The following FAM163A variants were observed in gnomAD, a reference collection of about 807,000 sequenced individuals.
FAM163A encodes the protein protein FAM163A.
In FAM163A, 7 loss-of-function variants were observed where a neutral mutation model predicts 12.0. That is an observed-to-expected ratio of 0.58 (90% CI 0.33 to 1.10). The LOEUF is 1.10. FAM163A is among the 50% of genes least tolerant of loss of function. The pLI is 0.03. For missense variants in FAM163A, 202 were observed against 218.6 expected, an observed-to-expected ratio of 0.92 and a Z score of 0.48; for synonymous variants, 101 against 91.0, an observed-to-expected ratio of 1.11 and a Z score of -0.62.
chr1:179,761,985 C>T (rs527876813), intron 1 of FAM163A, among the ~76,000 whole-genome samples: 1 of 152,230 alleles, frequency 6.6e-6, no homozygotes, highest in African/African-American at 2.4e-5. Flanking sequence ...GTTTTAACAT[C>T]GTTTCTGCAC....
rs141919647 is a variant in FAM163A, at chr1:179,755,763, C to A, written c.-136+12340C>A. ...AGGCCACTGAGAACTGCTTGAGGAC[C>A]ACATACAACCTTACAGATGAGTGCC... On this transcript the variant is annotated intron_variant, in intron 1 of 4. Coordinates refer to ENST00000341785, the MANE Select transcript of FAM163A (RefSeq NM_173509.3). Among the ~76,000 whole-genome samples the A allele has an allele frequency of 1.6e-3, 238 of 152,244 alleles. 2 individuals are homozygous for A. Among genetic ancestry groups the A allele is most frequent in the African/African-American group, 5.5e-3 (228 of 41,546 alleles).
chr1:179,755,319 T>TGACCA (rs1234936862), intron 1 of FAM163A, among the ~76,000 whole-genome samples: 1 of 152,068 alleles, frequency 6.6e-6, no homozygotes, highest in Non-Finnish European at 1.5e-5. Context: ...AGGTGAGGGT[T>TGACCA]GACCAGAAAC....
intron 1 of FAM163A, among the ~76,000 whole-genome samples, chr1:179,765,127 C>T (rs1185333308): frequency 1.3e-5 from 2 of 152,196 alleles, no homozygotes; most frequent in Admixed American, 6.5e-5. Context: ...CTTTCTTCCT[C>T]GCCCCATGGC....
chr1:179,744,086 G>A (rs1443611728), intron 1 of FAM163A, among the ~76,000 whole-genome samples: 1 of 152,134 alleles, frequency 6.6e-6, no homozygotes, highest in Non-Finnish European at 1.5e-5. Context: ...TAAAGAGGGC[G>A]AAGTGCCTTC....
chr1:179,791,265 G>A (rs1691458951), intron 1 of FAM163A, among the ~76,000 whole-genome samples: 2 of 152,196 alleles, frequency 1.3e-5, no homozygotes. Flanking sequence ...AGGCCCCTAT[G>A]CTGGCCCTCC....
upstream of FAM163A, among the ~76,000 whole-genome samples, chr1:179,739,489 A>G (rs947668505): frequency 3.3e-5 from 5 of 152,094 alleles, no homozygotes; most frequent in Non-Finnish European, 7.3e-5. Flanking sequence ...ATGCGGCCCA[A>G]CACAAATTTT....
At chr1:179,802,401 C>A (rs1693303120) in intron 1 of FAM163A, among the ~76,000 whole-genome samples, 1 of 152,176 alleles carries the variant, frequency 6.6e-6, no homozygotes, top group Non-Finnish European at 1.5e-5. Context: ...AGTGCCACAT[C>A]TGGTCCTCTG....
In FAM163A at chr1:179,814,339, G is replaced by A; in HGVS notation, c.*150G>A. The A allele has an allele frequency of 2.8e-6, 3 of 1,077,246 alleles. No homozygotes were observed. The highest frequency in any genetic ancestry group is 3.9e-6 in the Non-Finnish European group (3 of 777,062). 66.7% of individuals were successfully genotyped at this position (1,077,246 alleles called of 1,614,324 possible). On this transcript the variant is annotated 3_prime_UTR_variant, in exon 5 of 5. Transcript: ENST00000341785. ...CAGTGGAGGGTTTACTAGGATTTAAGCTTTTGAGTGCATTGAGAACCAAGA... is the reference window on the plus strand; with the variant it reads ...CAGTGGAGGGTTTACTAGGATTTAAACTTTTGAGTGCATTGAGAACCAAGA...
chr1:179,731,633 C>T, the FAM163A span, among the ~76,000 whole-genome samples: 1 of 152,130 alleles, frequency 6.6e-6, no homozygotes, highest in Non-Finnish European at 1.5e-5. Flanking sequence ...AAATAATGCT[C>T]GGGACTGAGG....
At chr1:179,756,774 C>G (rs1010629569) in intron 1 of FAM163A, among the ~76,000 whole-genome samples, 1 of 151,982 alleles carries the variant, frequency 6.6e-6, no homozygotes, top group Non-Finnish European at 1.5e-5. Context: ...AGGGAGGGAA[C>G]AGGAAGTAAG....
chr1:179,787,685 G>A (rs538272700), intron 1 of FAM163A, among the ~76,000 whole-genome samples: 210 of 152,296 alleles, frequency 1.4e-3, no homozygotes, highest in Non-Finnish European at 2.0e-3. Flanking sequence ...AGCAGGGGCG[G>A]GACCTGACTC....
rs528930594 is a variant in FAM163A, at chr1:179,779,008, A to G, written c.-135-28790A>G. On this transcript the variant is annotated intron_variant, in intron 1 of 4. Transcript: ENST00000341785. Reference sequence around the variant, plus strand: ...TAGATGTCATCTCAGAGGCTGGAGGAGCCTTCAAAAGGTTTAGGCAGGACA... The same window carrying G: ...TAGATGTCATCTCAGAGGCTGGAGGGGCCTTCAAAAGGTTTAGGCAGGACA... Among the ~76,000 whole-genome samples the G allele has an allele frequency of 1.1e-3, 165 of 152,292 alleles. 1 individual carries two copies. Among genetic ancestry groups the G allele is most frequent in the East Asian group, 3.9e-4 (2 of 5,184 alleles).
intron 1 of FAM163A, among the ~76,000 whole-genome samples, chr1:179,797,787 G>A (rs1692552706): frequency 6.6e-6 from 1 of 152,040 alleles, no homozygotes; most frequent in Non-Finnish European, 1.5e-5. Flanking sequence ...GATTCTAATA[G>A]TCAACAAGGC....
At chr1:179,792,385 C>A (rs1691647923) in intron 1 of FAM163A, among the ~76,000 whole-genome samples, 1 of 150,966 alleles carries the variant, frequency 6.6e-6, no homozygotes, top group South Asian at 2.1e-4. Flanking sequence ...CTCAACAAAT[C>A]CACCCCCGCT....
At chr1:179,796,796 G>T (rs936599463) in intron 1 of FAM163A, among the ~76,000 whole-genome samples, 2 of 152,236 alleles carry the variant, frequency 1.3e-5, no homozygotes, top group Non-Finnish European at 2.9e-5. Flanking sequence ...TGTAGACACT[G>T]TATCTTAACC....
chr1:179,789,208 G>A (rs185977708), intron 1 of FAM163A, among the ~76,000 whole-genome samples: 13 of 152,200 alleles, frequency 8.5e-5, no homozygotes, highest in African/African-American at 3.1e-4. Flanking sequence ...TTGAGATGGG[G>A]TCTCACTCCG....
intron 3 of FAM163A, among the ~76,000 whole-genome samples, chr1:179,812,332 G>A (rs1694805447): frequency 6.6e-6 from 1 of 152,128 alleles, no homozygotes; most frequent in Middle Eastern, 3.2e-3. Flanking sequence ...GCCAGGACCA[G>A]TCTCCCCAGC....
intron 1 of FAM163A, among the ~76,000 whole-genome samples, chr1:179,759,302 C>G (rs1686470532): frequency 6.6e-6 from 1 of 152,028 alleles, no homozygotes; most frequent in East Asian, 1.9e-4. Context: ...CCACTCCCAT[C>G]ACATTGAGAG....
intron 1 of FAM163A, among the ~76,000 whole-genome samples, chr1:179,764,418 T>C (rs1353991592): frequency 6.6e-6 from 1 of 152,168 alleles, no homozygotes; most frequent in Non-Finnish European, 1.5e-5. Flanking sequence ...ACTTTGGGGT[T>C]CTTCAAATGG....
Sources: gnomAD v4.1 joint callset for allele counts (sites outside exome capture counted in the v4.1 genomes callset) on GRCh38, gnomAD v4.1.1 for gene constraint, MANE v1.5 for transcripts, NCBI Gene and HGNC (gene_info 2026-07-23, HGNC 2026-07-21) for gene names.